Variants in USP10 observed in about 807,000 individuals in gnomAD.
The protein encoded by USP10 is ubiquitin specific peptidase 10, also known as ubiquitin carboxyl-terminal hydrolase 10.
A neutral mutation model predicts 84.5 loss-of-function variants in USP10; 22 were observed. The ratio of observed to expected loss-of-function variants is 0.26; its 90% CI spans 0.19 to 0.37. The LOEUF is 0.37. USP10 is among the 10% of genes least tolerant of loss of function. The pLI, the probability that USP10 is intolerant of heterozygous loss-of-function variation, is 1.00. For synonymous variants in USP10, 454 were observed against 387.6 expected (o/e 1.17, Z -2.01); for missense variants, 1,019 against 998.9 (o/e 1.02, Z -0.27).
intron 3 of USP10, among the ~76,000 whole-genome samples, chr16:84,743,022 G>C (rs914127636): frequency 6.6e-6 from 1 of 152,120 alleles, no homozygotes; most frequent in Non-Finnish European, 1.5e-5. Flanking sequence ...GCTCCACATG[G>C]AGCCTTCCGC....
intron 1 of USP10, among the ~76,000 whole-genome samples, chr16:84,713,675 C>G (rs548957626): frequency 1.3e-5 from 2 of 152,242 alleles, no homozygotes; most frequent in East Asian, 3.9e-4. Flanking sequence ...ATTCAGAAGC[C>G]CACAGTCAGG....
At chr16:84,768,429 G>T (rs1290590485) in intron 11 of USP10, 71 bp downstream of exon 11, 3 of 1,392,602 alleles carry the variant, frequency 2.2e-6, no homozygotes, top group Non-Finnish European at 1.9e-6. Flanking sequence ...ACAAAATTAG[G>T]AATGAGGGGA....
chr16:84,771,569 T>G (rs1914455039), intron 11 of USP10, among the ~76,000 whole-genome samples: 1 of 152,178 alleles, frequency 6.6e-6, no homozygotes, highest in Non-Finnish European at 1.5e-5. Context: ...AGAGTTATTT[T>G]AAAATGGGTC....
intron 1 of USP10, among the ~76,000 whole-genome samples, chr16:84,729,980 G>T (rs1422206278): frequency 1.3e-5 from 2 of 152,150 alleles, no homozygotes; most frequent in African/African-American, 4.8e-5. Context: ...AATTATGTCT[G>T]TGCAAAATGG....
Position 84,764,036 on chromosome 16 carries a change from T to C in USP10, c.1655-50T>C, listed in dbSNP as rs956269706. On this transcript the variant is annotated intron_variant, in intron 9 of 13. Transcript: ENST00000219473. ...CGACAGATCTGTGCCTTTTTTTTTT[T>C]TGCTGTTCTTGTCGTAAATAGTAGT... The C allele has an allele frequency of 4.6e-6, 7 of 1,535,418 alleles. No individual in the cohort carries two copies. The African/African-American group carries it at 8.4e-5, about 18-fold the overall frequency.
intron 8 of USP10, among the ~76,000 whole-genome samples, chr16:84,762,333 A>G (rs1454943708): frequency 6.6e-5 from 10 of 152,186 alleles, no homozygotes; most frequent in Admixed American, 5.9e-4. Flanking sequence ...CTAGACATCT[A>G]GTTCTTCGTC....
chr16:84,710,468 C>A (rs924682366), intron 1 of USP10, among the ~76,000 whole-genome samples: 2 of 152,026 alleles, frequency 1.3e-5, no homozygotes, highest in African/African-American at 4.8e-5. Context: ...ACTTTTGAGA[C>A]AGATTAATGT....
At chr16:84,754,210 C>CT (rs1222132978) in intron 4 of USP10, among the ~76,000 whole-genome samples, 5 of 152,072 alleles carry the variant, frequency 3.3e-5, no homozygotes, top group African/African-American at 1.2e-4. Context: ...CGGTCTTACT[C>CT]TGAGATTAGG....
In USP10 at chr16:84,774,872, C is replaced by T. The variant is rs143833026; in HGVS notation, c.2144-288C>T. ...TTAAGTCAGCAGCTTTTTTCTTTTC[C>T]ATTTTGTAGAGCACCTGTTTTTAAG... is the stretch of plus-strand genomic sequence containing the variant. On this transcript the variant is annotated intron_variant, in intron 12 of 13. Transcript: ENST00000219473. Among the ~76,000 whole-genome samples the T allele has an allele frequency of 4.2e-4, 64 of 152,128 alleles. 1 individual carries two copies. The highest frequency in any genetic ancestry group is 1.4e-3 in the African/African-American group (60 of 41,502).
intron 4 of USP10, among the ~76,000 whole-genome samples, chr16:84,750,489 G>T (rs1478421736): frequency 6.6e-6 from 1 of 152,004 alleles, no homozygotes; most frequent in African/African-American, 2.4e-5. Flanking sequence ...GAGTGAGTAT[G>T]GCAGACACGT....
intron 4 of USP10, among the ~76,000 whole-genome samples, chr16:84,754,373 A>T (rs1484925129): frequency 1.3e-5 from 2 of 152,176 alleles, no homozygotes; most frequent in African/African-American, 2.4e-5. Context: ...CCAAGTCTGA[A>T]AAGGTTTATT....
At chr16:84,729,012 G>C (rs1418978841) in intron 1 of USP10, among the ~76,000 whole-genome samples, 1 of 151,848 alleles carries the variant, frequency 6.6e-6, no homozygotes, top group African/African-American at 2.4e-5. Flanking sequence ...TGGCTGGGCT[G>C]GTCTTGAACT....
At chr16:84,707,481 C>T (rs1461240975) in intron 1 of USP10, among the ~76,000 whole-genome samples, 4 of 151,994 alleles carry the variant, frequency 2.6e-5, no homozygotes, top group Non-Finnish European at 5.9e-5. Flanking sequence ...GATCCTTAAT[C>T]GTCAGTTTGG....
intron 1 of USP10, among the ~76,000 whole-genome samples, chr16:84,731,597 A>C (rs934203857): frequency 6.6e-6 from 1 of 152,200 alleles, no homozygotes; most frequent in Non-Finnish European, 1.5e-5. Flanking sequence ...AATTCTATGA[A>C]AAAATACTCT....
At position 84,730,579 on chromosome 16, in the gene USP10, T is replaced by C. The variant is rs116535998; in HGVS notation, c.22-2856T>C. ...TTCCAGCTCATGACTTGAGGGTGTTTGCCGCTGACTCATGCTGAAGCCACT... is the reference window on the plus strand; with the variant it reads ...TTCCAGCTCATGACTTGAGGGTGTTCGCCGCTGACTCATGCTGAAGCCACT... On this transcript the variant is annotated intron_variant, in intron 1 of 13. Transcript: ENST00000219473. Among the ~76,000 whole-genome samples the C allele has an allele frequency of 5.7e-3, 874 of 152,338 alleles. 8 individuals are homozygous for C. Among genetic ancestry groups the C allele is most frequent in the African/African-American group, 0.02 (824 of 41,564 alleles).
intron 4 of USP10, among the ~76,000 whole-genome samples, chr16:84,749,897 A>T (rs1355938908): frequency 1.3e-5 from 2 of 152,152 alleles, no homozygotes; most frequent in African/African-American, 4.8e-5. Flanking sequence ...ATTTTGTTCC[A>T]TTGGCTGTTT....
chr16:84,738,083 A>G (rs1012192072), intron 2 of USP10, among the ~76,000 whole-genome samples: 4 of 110,218 alleles, frequency 3.6e-5, no homozygotes, highest in African/African-American at 1.6e-4. Flanking sequence ...GCAGGGTTCT[A>G]ACAGCTCTCT....
At chr16:84,702,629 A>G (rs78497104) in intron 1 of USP10, among the ~76,000 whole-genome samples, 2 of 152,298 alleles carry the variant, frequency 1.3e-5, no homozygotes, top group African/African-American at 4.8e-5. Flanking sequence ...TGAAGGTCTT[A>G]TTTTAAAATT....
intron 1 of USP10, among the ~76,000 whole-genome samples, chr16:84,732,004 C>A (rs1369470488): frequency 6.6e-6 from 1 of 152,050 alleles, no homozygotes; most frequent in African/African-American, 2.4e-5. Flanking sequence ...CTGTTACTGT[C>A]AATACATAAT....
Sources: gnomAD v4.1 joint callset for allele counts (sites outside exome capture counted in the v4.1 genomes callset) on GRCh38, gnomAD v4.1.1 for gene constraint, MANE v1.5 for transcripts, NCBI Gene and HGNC (gene_info 2026-07-23, HGNC 2026-07-21) for gene names.